TNC: variants seen among roughly 807,000 people sequenced by gnomAD.
TNC encodes the protein tenascin.
In TNC, 109 loss-of-function variants were observed where a neutral mutation model predicts 202.4. That is an observed-to-expected ratio of 0.54 (90% CI 0.46 to 0.63). TNC has a LOEUF of 0.63. Among genes scored for constraint, TNC ranks in the 30% least tolerant of loss-of-function variants. The pLI, the probability that TNC is intolerant of heterozygous loss-of-function variation, is 0.00. For synonymous variants in TNC, 1,007 were observed against 1,089.7 expected (o/e 0.92, Z 1.50); for missense variants, 2,756 against 2,833.3 (o/e 0.97, Z 0.62).
At chr9:115,038,159 T>G in intron 20 of TNC, 102 bp downstream of exon 20, 1 of 1,467,388 alleles carries the variant, frequency 6.8e-7, no homozygotes, top group Non-Finnish European at 9.2e-7. Flanking sequence ...CATGCATTTT[T>G]ATCATCCTGT....
intron 13 of TNC, among the ~76,000 whole-genome samples, chr9:115,061,568 C>A (rs1832548352): frequency 6.6e-6 from 1 of 152,188 alleles, no homozygotes; most frequent in Non-Finnish European, 1.5e-5. Context: ...AGGAATAAAA[C>A]CTGGCCCCCT....
intron 1 of TNC, among the ~76,000 whole-genome samples, chr9:115,105,313 TATA>T (rs1334325064): frequency 1.3e-5 from 2 of 152,234 alleles, no homozygotes; most frequent in Admixed American, 6.5e-5. Flanking sequence ...ATCTAAATGC[TATA>T]ATAATAATGA....
chr9:115,034,517 G>A (rs773853292), intron 22 of TNC, among the ~76,000 whole-genome samples: 24 of 152,092 alleles, frequency 1.6e-4, no homozygotes, highest in Non-Finnish European at 8.8e-5. Flanking sequence ...GCAGGATATA[G>A]AATAAAATAC....
chr9:115,076,315 T>C, intron 8 of TNC, 75 bp downstream of exon 8: 3 of 1,534,426 alleles, frequency 2.0e-6, no homozygotes, highest in African/African-American at 2.7e-5. Context: ...AATGGGGACA[T>C]GTGGGAGCAG....
intron 10 of TNC, among the ~76,000 whole-genome samples, chr9:115,066,555 AT>A (rs111841821): frequency 5.3e-5 from 8 of 152,148 alleles, no homozygotes; most frequent in African/African-American, 1.9e-4. Flanking sequence ...TCTGGGGAAC[AT>A]TCTTCCTGCT....
intron 27 of TNC, among the ~76,000 whole-genome samples, chr9:115,022,695 C>CA (rs1326586649): frequency 6.6e-6 from 1 of 151,860 alleles, no homozygotes; most frequent in Non-Finnish European, 1.5e-5. Context: ...AAGATGGAAA[C>CA]AACACAGGAC....
chr9:115,027,478 T>A (rs975056295), intron 25 of TNC, among the ~76,000 whole-genome samples: 3 of 151,942 alleles, frequency 2.0e-5, no homozygotes, highest in African/African-American at 7.3e-5. Context: ...TAATCTCAGC[T>A]ACCTGGGGGG....
In TNC at chr9:115,064,970, G is replaced by T. The variant is rs1193278549; in HGVS notation, c.3215-51C>A. 5 of 1,575,612 alleles carry T rather than the reference G, an allele frequency of 3.2e-6. No individual in the cohort carries two copies. In the Admixed American group the frequency reaches 5.2e-5, roughly 16 times the overall value. ...GTTAAACTATTCCTCAGAAAGTTTT[G>T]CTTCTGAGAACCTGGGAATGGCAAA... On this transcript the variant is annotated intron_variant, in intron 10 of 27. Transcript: ENST00000350763.
In TNC at chr9:115,073,847, G is replaced by A; in HGVS notation, c.2970C>T (p.Asp990=). 2 of 1,611,236 alleles carry A rather than the reference G, an allele frequency of 1.2e-6. No homozygotes were observed. The highest frequency in any genetic ancestry group is 2.2e-5 in the East Asian group (1 of 44,862). Residue 990 remains aspartate (D), a synonymous_variant, in exon 10 of 28, where the codon GAC becomes GAT. Coordinates refer to ENST00000350763, the MANE Select transcript of TNC (RefSeq NM_002160.4). ...TCTCTGCAGTTTCAGAAACCTGAAG[G>A]TCCTTGGGCGTGTCCAACTCTGGGA... ...NAATELDTPK[D]LQVSETAETS... is the part of the protein sequence containing the mutation.
intron 15 of TNC, among the ~76,000 whole-genome samples, chr9:115,051,433 C>G (rs1173040330): frequency 6.6e-6 from 1 of 152,060 alleles, no homozygotes; most frequent in Non-Finnish European, 1.5e-5. Flanking sequence ...TTTCCATACC[C>G]AAAGCCAACC....
In TNC at chr9:115,061,387, T is replaced by A. The variant is rs533574977; in HGVS notation, c.4034-1385A>T. ...CACACCAAGAACAGCTGTTCACTTA[T>A]CTGTCAAATAGTAGGGTTCCTTGGA... On this transcript the variant is annotated intron_variant, in intron 13 of 27. Transcript: ENST00000350763. Among the ~76,000 whole-genome samples the A allele has an allele frequency of 4.6e-5, 7 of 152,322 alleles. No individual in the cohort carries two copies. In the South Asian group the frequency reaches 1.5e-3, roughly 32 times the overall value.
intron 14 of TNC, among the ~76,000 whole-genome samples, chr9:115,058,693 T>C (rs753700931): frequency 3.3e-4 from 50 of 152,194 alleles, no homozygotes; most frequent in Non-Finnish European, 6.0e-4. Flanking sequence ...TAGATTCAAC[T>C]GGGATGTACA....
chr9:115,038,315 G>T lies in TNC; in HGVS notation c.5458C>A (p.Gln1820Lys). 8 of 1,614,148 alleles carry T rather than the reference G, an allele frequency of 5.0e-6. No homozygotes were observed. Among genetic ancestry groups the T allele is most frequent in the Non-Finnish European group, 6.8e-6 (8 of 1,179,978 alleles). ...ITDSEALARW[Q>K]PAIATVDSYV... The stretch of plus-strand genomic sequence containing the variant: ...CTGTCCACAGTGGCAATGGCTGGCT[G>T]CCACCTGGCCAAGGCTTCTGAGTCA... Residue 1820 changes from glutamine to lysine, a missense_variant, in exon 20 of 28, where the codon CAG becomes AAG. By Grantham distance (53) the Gln-to-Lys change is moderately conservative. Transcript: ENST00000350763.
chr9:115,038,557 C>T (rs1830504655), intron 19 of TNC, among the ~76,000 whole-genome samples, 177 bp from the exon 20 acceptor site: 1 of 152,234 alleles, frequency 6.6e-6, no homozygotes, highest in Admixed American at 6.5e-5. Context: ...ATGACTCCCT[C>T]CCTTGCTGGC....
At chr9:115,093,818 T>G (rs1012796941) in intron 1 of TNC, among the ~76,000 whole-genome samples, 1 of 152,214 alleles carries the variant, frequency 6.6e-6, no homozygotes, top group Non-Finnish European at 1.5e-5. Flanking sequence ...TTTCTCACTG[T>G]GTGTTTAAGA....
At chr9:115,117,849 T>C (rs1231103506) in intron 1 of TNC, 133 bp downstream of exon 1, 1 of 82,158 alleles carries the variant, frequency 1.2e-5, no homozygotes, top group East Asian at 2.4e-4. Flanking sequence ...TACACACTCC[T>C]TTTTTTTCCA....
chr9:115,098,765 G>A (rs1186338522), intron 1 of TNC, among the ~76,000 whole-genome samples: 2 of 151,968 alleles, frequency 1.3e-5, no homozygotes, highest in Non-Finnish European at 2.9e-5. Flanking sequence ...TTTTCTTCTC[G>A]CTTACAGGCC....
intron 15 of TNC, among the ~76,000 whole-genome samples, chr9:115,051,938 G>T (rs1365596678): frequency 6.6e-6 from 1 of 151,856 alleles, no homozygotes; most frequent in Non-Finnish European, 1.5e-5. Context: ...TTACTTAGAA[G>T]TTTACATATA....
chr9:115,084,877 A>G (rs1834589850), intron 3 of TNC, among the ~76,000 whole-genome samples: 1 of 152,148 alleles, frequency 6.6e-6, no homozygotes, highest in South Asian at 2.1e-4. Flanking sequence ...TTCTTATATT[A>G]TAGAGGTGAG....
Sources: gnomAD v4.1 joint callset for allele counts (sites outside exome capture counted in the v4.1 genomes callset) on GRCh38, gnomAD v4.1.1 for gene constraint, MANE v1.5 for transcripts, NCBI Gene and HGNC (gene_info 2026-07-23, HGNC 2026-07-21) for gene names.